AKAP14: variants seen among roughly 807,000 people sequenced by gnomAD.
AKAP14 encodes the protein A-kinase anchoring protein 14.
A neutral mutation model predicts 17.0 loss-of-function variants in AKAP14; 4 were observed. The ratio of observed to expected loss-of-function variants is 0.23; its 90% CI spans 0.12 to 0.54. The LOEUF (loss-of-function observed/expected upper bound fraction) is 0.54. Ranked by LOEUF, AKAP14 falls within the 20% of genes least tolerant of loss-of-function variation. AKAP14 has a pLI of 0.95. For missense variants in AKAP14, 129 were observed against 150.9 expected (o/e 0.85, Z 0.76); for synonymous variants, 42 against 51.3 (o/e 0.82, Z 0.77).
At chrX:119,905,831 C>A (rs939499289) in intron 4 of AKAP14, among the ~76,000 whole-genome samples, 1 of 111,195 alleles carries the variant, frequency 9.0e-6, no homozygotes, top group East Asian at 2.8e-4. Flanking sequence ...AAATCACAAC[C>A]CTCTCCACTT....
Position 119,919,650 on chromosome X carries a change from A to G in AKAP14, c.442-261A>G, listed in dbSNP as rs886915490. 3 of 269,222 alleles carry G rather than the reference A, an allele frequency of 1.1e-5. No individual in the cohort carries two copies. The East Asian group carries it at 2.1e-4, about 19-fold the overall frequency. The allele number at this position is 269,222 out of a possible 1,213,427, so 22.2% of individuals were successfully genotyped here. On this transcript the variant is annotated intron_variant, in intron 5 of 6. Transcript: ENST00000371431. The stretch of plus-strand genomic sequence containing the variant: ...CACCTGAGGTCAGGAATTCGAGACC[A>G]GCCTGGGCAACAAGGTAAAACTCCG...
chrX:119,900,467 C>T (rs2056558617), intron 2 of AKAP14, among the ~76,000 whole-genome samples: 1 of 111,814 alleles, frequency 8.9e-6, no homozygotes, highest in African/African-American at 3.2e-5. Flanking sequence ...CTCCTCACCT[C>T]AGGTGATCTA....
chrX:119,917,307 G>A (rs1205148694), intron 5 of AKAP14, among the ~76,000 whole-genome samples: 2 of 105,749 alleles, frequency 1.9e-5, no homozygotes, highest in Non-Finnish European at 3.9e-5. Context: ...GTGAAACCCC[G>A]TTTCTACTAA....
chrX:119,916,922 A>G (rs1262094610), intron 5 of AKAP14, among the ~76,000 whole-genome samples: 3 of 103,465 alleles, frequency 2.9e-5, no homozygotes, highest in Non-Finnish European at 6.0e-5. Flanking sequence ...CCCGACCAAC[A>G]TGGTGAAACC....
intron 4 of AKAP14, 86 bp from the exon 5 acceptor site, chrX:119,914,613 G>A: frequency 1.0e-6 from 1 of 961,752 alleles, no homozygotes; most frequent in Non-Finnish European, 1.4e-6. Context: ...ATGAGCCACT[G>A]CACCCAGCCA....
chrX:119,914,167 G>A (rs2056643793), intron 4 of AKAP14, among the ~76,000 whole-genome samples: 1 of 106,736 alleles, frequency 9.4e-6, no homozygotes, highest in East Asian at 3.0e-4. Context: ...GAATCTGGGA[G>A]GCACAGGTTG....
chrX:119,899,985 G>A (rs1285901252), intron 2 of AKAP14, among the ~76,000 whole-genome samples: 1 of 111,350 alleles, frequency 9.0e-6, no homozygotes, highest in South Asian at 3.8e-4. Context: ...CTGGAGTGCA[G>A]CGACACAATC....
At chrX:119,903,617 C>T (rs941850114) in intron 4 of AKAP14, 31 bp downstream of exon 4, 2 of 1,205,548 alleles carry the variant, frequency 1.7e-6, no homozygotes, top group Non-Finnish European at 2.2e-6. Flanking sequence ...CAGCATGGTA[C>T]ACCGGTGTGA....
At chrX:119,899,424 A>G (rs2056551868) in intron 2 of AKAP14, among the ~76,000 whole-genome samples, 1 of 111,314 alleles carries the variant, frequency 9.0e-6, no homozygotes. Flanking sequence ...AATATTTACA[A>G]AGGTGTGGCC....
At chrX:119,911,441 A>G (rs777631257) in intron 4 of AKAP14, among the ~76,000 whole-genome samples, 69 of 111,261 alleles carry the variant, frequency 6.2e-4, no homozygotes, top group Non-Finnish European at 1.1e-3. Flanking sequence ...GGATGTCTCA[A>G]GTGCCATAAG....
intron 5 of AKAP14, among the ~76,000 whole-genome samples, chrX:119,918,434 G>A (rs1569470490): frequency 1.8e-5 from 2 of 111,277 alleles, no homozygotes; most frequent in African/African-American, 3.3e-5. Flanking sequence ...TTATCACCAT[G>A]TCGGCCAGGC....
chrX:119,896,497 G>C (rs1249816434), intron 2 of AKAP14, among the ~76,000 whole-genome samples: 1 of 104,654 alleles, frequency 9.6e-6, no homozygotes, highest in South Asian at 4.5e-4. Context: ...GGAGGGGAGG[G>C]AAGGGAAGAA....
At chrX:119,906,485 G>A (rs1418358253) in intron 4 of AKAP14, among the ~76,000 whole-genome samples, 1 of 107,697 alleles carries the variant, frequency 9.3e-6, no homozygotes, top group East Asian at 2.9e-4. Context: ...CGCCTGCCTC[G>A]GCCTCCCAAA....
At chrX:119,913,773 C>CTCAATCAATCAA (rs10570399) in intron 4 of AKAP14, among the ~76,000 whole-genome samples, 9 of 105,077 alleles carry the variant, frequency 8.6e-5, no homozygotes, top group African/African-American at 3.1e-4. Flanking sequence ...GAGGCTCTGT[C>CTCAATCAATCAA]TCAATCAATC....
At chrX:119,908,300 A>AAAAAG (rs567352217) in intron 4 of AKAP14, among the ~76,000 whole-genome samples, 22,959 of 103,156 alleles carry the variant, frequency 0.22, 2,341 homozygotes, top group Middle Eastern at 0.33. Flanking sequence ...AAAAAAAAAA[A>AAAAAG]AAGAAGGATG....
chrX:119,912,150 C>T (rs2056631158), intron 4 of AKAP14, among the ~76,000 whole-genome samples: 1 of 109,441 alleles, frequency 9.1e-6, no homozygotes, highest in Non-Finnish European at 1.9e-5. Flanking sequence ...GAGCTGGTCT[C>T]GAACTCCTGA....
Position 119,919,961 on chromosome X carries a change from C to G in AKAP14, c.492C>G (p.His164Gln). ...TAGGTGACCACCAAGCATTAGTTCA[C>G]AGGTAATGAACATTTGGAGGTTTGT... is the stretch of plus-strand genomic sequence containing the variant. ...SYVGDHQALVHRPGMVRFREN... is the reference protein window; with the variant it reads ...SYVGDHQALVQRPGMVRFREN... The change falls in exon 6 of 7, where the codon CAC becomes CAG. Residue 164 changes from histidine to glutamine, a missense_variant and splice_region_variant. Physicochemically the swap from His to Gln is conservative, Grantham distance 24. Coordinates refer to ENST00000371431, the MANE Select transcript of AKAP14 (RefSeq NM_178813.6). 2 of 1,208,614 alleles carry G rather than the reference C, an allele frequency of 1.7e-6. No homozygotes were observed. Among genetic ancestry groups the G allele is most frequent in the Non-Finnish European group, 2.2e-6 (2 of 892,983 alleles).
At chrX:119,898,776 A>T (rs1049572798) in intron 2 of AKAP14, among the ~76,000 whole-genome samples, 6 of 106,284 alleles carry the variant, frequency 5.6e-5, no homozygotes, top group African/African-American at 2.1e-4. Flanking sequence ...CGGCCTGGGC[A>T]ATAAGAGTGA....
At chrX:119,896,354 C>G (rs2056526677) in intron 2 of AKAP14, 87 bp downstream of exon 2, 1 of 106,414 alleles carries the variant, frequency 9.4e-6, no homozygotes, top group South Asian at 4.3e-4. Flanking sequence ...CAAACGTTAC[C>G]ATTCCCCCCA....
Sources: gnomAD v4.1 joint callset for allele counts (sites outside exome capture counted in the v4.1 genomes callset) on GRCh38, gnomAD v4.1.1 for gene constraint, MANE v1.5 for transcripts, NCBI Gene and HGNC (gene_info 2026-07-23, HGNC 2026-07-21) for gene names.